The following PKNOX2 variants were observed in gnomAD, a reference collection of about 807,000 sequenced individuals.
PKNOX2 encodes the protein PBX/knotted 1 homeobox 2.
A neutral mutation model predicts 53.1 loss-of-function variants in PKNOX2; 14 were observed. The ratio of observed to expected loss-of-function variants is 0.26; its 90% CI spans 0.17 to 0.41. The LOEUF (loss-of-function observed/expected upper bound fraction) is 0.41. PKNOX2 is among the 10% of genes least tolerant of loss of function. PKNOX2 has a pLI of 1.00. For synonymous variants in PKNOX2, 257 were observed against 242.8 expected, an observed-to-expected ratio of 1.06 and a Z score of -0.54; for missense variants, 496 against 602.8, an observed-to-expected ratio of 0.82 and a Z score of 1.85.
chr11:125,406,374 C>T (rs1013826778), intron 7 of PKNOX2, among the ~76,000 whole-genome samples: 1 of 152,214 alleles, frequency 6.6e-6, no homozygotes, highest in Non-Finnish European at 1.5e-5. Flanking sequence ...ACATCTCAGA[C>T]AGGGAGACAT....
intron 1 of PKNOX2, among the ~76,000 whole-genome samples, chr11:125,178,750 G>A (rs10893341): frequency 0.53 from 77,687 of 146,608 alleles, 22,354 homozygotes; most frequent in Non-Finnish European, 0.63. Context: ...GGAAGAAAGA[G>A]AGAGGAAGAA....
chr11:125,298,598 TC>T lies in PKNOX2; in HGVS notation c.-129-33219del, dbSNP rs1397887889. ...AGCCTGAGCTGTGCATAGACAGGCC[TC>T]CAGGCCCCCAGTTCTGAGCCGCTGA... On this transcript the variant is annotated intron_variant, in intron 2 of 12. Transcript: ENST00000298282. Among the ~76,000 whole-genome samples the T allele has an allele frequency of 5.9e-5, 9 of 152,292 alleles. No homozygotes were observed. In the South Asian group the frequency reaches 1.9e-3, roughly 32 times the overall value.
Position 125,410,773 on chromosome 11 carries a change from C to T in PKNOX2, c.719-6C>T, listed in dbSNP as rs777739374. The stretch of plus-strand genomic sequence containing the variant: ...CAGGGGACCCCAAAACTGGTTGTCT[C>T]CTCAGGTGGAGCCTTATACCAACCG... On this transcript the variant is annotated splice_polypyrimidine_tract_variant and splice_region_variant and intron_variant, in intron 8 of 12. Coordinates refer to ENST00000298282, the MANE Select transcript of PKNOX2 (RefSeq NM_001382323.2). 6 of 1,613,324 alleles carry T rather than the reference C, an allele frequency of 3.7e-6. No homozygotes were observed. Among genetic ancestry groups the T allele is most frequent in the African/African-American group, 2.7e-5 (2 of 75,010 alleles).
chr11:125,306,272 G>A (rs1373427173), intron 2 of PKNOX2, among the ~76,000 whole-genome samples: 1 of 152,088 alleles, frequency 6.6e-6, no homozygotes, highest in Admixed American at 6.5e-5. Flanking sequence ...CAATTTGGTC[G>A]GTTGCTCCCC....
chr11:125,401,761 T>TTG (rs1954764458), intron 7 of PKNOX2, among the ~76,000 whole-genome samples: 1 of 122,316 alleles, frequency 8.2e-6, no homozygotes, highest in African/African-American at 3.8e-5. Context: ...GAAAAGGAGC[T>TTG]TGTGAGTGTG....
chr11:125,247,997 C>T (rs768475560), intron 2 of PKNOX2, among the ~76,000 whole-genome samples: 13 of 152,186 alleles, frequency 8.5e-5, no homozygotes, highest in Non-Finnish European at 1.8e-4. Flanking sequence ...TGGCCTGAAC[C>T]TCCTGCCACT....
At chr11:125,414,894 G>A (rs1241217789) in intron 10 of PKNOX2, among the ~76,000 whole-genome samples, 1 of 152,178 alleles carries the variant, frequency 6.6e-6, no homozygotes, top group Admixed American at 6.5e-5. Context: ...AGCAAGTTTT[G>A]GAGGCTGAAG....
chr11:125,366,648 GAGATCTAAATGAAGAGA>G (rs1591544205), intron 4 of PKNOX2, among the ~76,000 whole-genome samples: 3 of 152,206 alleles, frequency 2.0e-5, no homozygotes, highest in African/African-American at 7.2e-5. Flanking sequence ...CATCTGAGCG[GAGATCTAAATGAAGAGA>G]AGATCTAAAT....
chr11:125,238,067 A>G (rs566616384), intron 2 of PKNOX2, among the ~76,000 whole-genome samples: 1 of 152,298 alleles, frequency 6.6e-6, no homozygotes, highest in East Asian at 1.9e-4. Context: ...GCCCTCCAAG[A>G]ACTATAGTCT....
intron 1 of PKNOX2, among the ~76,000 whole-genome samples, chr11:125,189,367 ATG>A (rs1555111548): frequency 2.1e-5 from 2 of 95,160 alleles, no homozygotes; most frequent in African/African-American, 8.0e-5. Context: ...ATATATATAT[ATG>A]TATATATATA....
intron 1 of PKNOX2, among the ~76,000 whole-genome samples, chr11:125,227,517 C>A (rs980319079): frequency 6.6e-6 from 1 of 152,158 alleles, no homozygotes; most frequent in African/African-American, 2.4e-5. Flanking sequence ...AGAATAGTAT[C>A]CTCGAGGTTC....
chr11:125,223,760 C>T (rs533263287), intron 1 of PKNOX2, among the ~76,000 whole-genome samples: 3 of 152,210 alleles, frequency 2.0e-5, no homozygotes, highest in African/African-American at 4.8e-5. Context: ...TTTTATACTA[C>T]GTTGGATCTA....
At chr11:125,355,828 G>C (rs949960299) in intron 4 of PKNOX2, among the ~76,000 whole-genome samples, 1 of 152,086 alleles carries the variant, frequency 6.6e-6, no homozygotes, top group Non-Finnish European at 1.5e-5. Context: ...ACTCCTTCTA[G>C]GCAAATACCT....
chr11:125,277,838 T>C (rs939314803), intron 2 of PKNOX2, among the ~76,000 whole-genome samples: 1 of 152,206 alleles, frequency 6.6e-6, no homozygotes, highest in African/African-American at 2.4e-5. Flanking sequence ...TTACACTGAT[T>C]TGATCATTTC....
In PKNOX2 at chr11:125,265,148, G is replaced by A. The variant is rs548492423; in HGVS notation, c.-130+30033G>A. ...CTAAAAATACAAAAATTAGCCAGGC[G>A]TGATGGTGGGCGCCTGTAGTCCCAG... On this transcript the variant is annotated intron_variant, in intron 2 of 12. Coordinates refer to ENST00000298282, the MANE Select transcript of PKNOX2 (RefSeq NM_001382323.2). 1.7e-4 allele frequency among the ~76,000 whole-genome samples: 26 copies of A among 152,134 alleles called. No homozygotes were observed. The East Asian group carries it at 2.7e-3, about 16-fold the overall frequency.
At chr11:125,264,218 G>T (rs972306794) in intron 2 of PKNOX2, among the ~76,000 whole-genome samples, 2 of 152,166 alleles carry the variant, frequency 1.3e-5, no homozygotes, top group African/African-American at 2.4e-5. Context: ...AGTGGAAAAT[G>T]GATTGTCTGG....
intron 4 of PKNOX2, 132 bp downstream of exon 4, chr11:125,351,524 C>T: frequency 3.1e-6 from 2 of 637,360 alleles, no homozygotes; most frequent in South Asian, 3.8e-5. Context: ...GTCCTGGTGG[C>T]ACTCCGGGCT....
At chr11:125,278,514 A>T (rs549939258) in intron 2 of PKNOX2, among the ~76,000 whole-genome samples, 1 of 152,254 alleles carries the variant, frequency 6.6e-6, no homozygotes, top group South Asian at 2.1e-4. Flanking sequence ...GCTCAGGCGA[A>T]TGGGAAGTCT....
At chr11:125,320,675 G>A (rs775068769) in intron 2 of PKNOX2, among the ~76,000 whole-genome samples, 1 of 152,076 alleles carries the variant, frequency 6.6e-6, no homozygotes, top group Non-Finnish European at 1.5e-5. Flanking sequence ...GTCTAGCTTC[G>A]GACCAGAGCC....
Sources: gnomAD v4.1 joint callset for allele counts (sites outside exome capture counted in the v4.1 genomes callset) on GRCh38, gnomAD v4.1.1 for gene constraint, MANE v1.5 for transcripts, NCBI Gene and HGNC (gene_info 2026-07-23, HGNC 2026-07-21) for gene names.